The following ENOX1 variants were observed in gnomAD, a reference collection of about 807,000 sequenced individuals.
The protein encoded by ENOX1 is ecto-NOX disulfide-thiol exchanger 1, also known as candidate growth-related and time keeping constitutive hydroquinone (NADH) oxidase.
ENOX1 carries 42 observed loss-of-function variants against 82.5 expected under a neutral mutation model. The observed-to-expected ratio is 0.51, with a 90% confidence interval of 0.40 to 0.66. The LOEUF is 0.66. ENOX1 is among the 30% of genes least tolerant of loss of function. The pLI, the probability that ENOX1 is intolerant of heterozygous loss-of-function variation, is 0.00. For synonymous variants in ENOX1, 271 were observed against 282.2 expected (o/e 0.96, Z 0.40); for missense variants, 608 against 811.6 (o/e 0.75, Z 3.05).
intron 2 of ENOX1, among the ~76,000 whole-genome samples, chr13:43,532,343 T>C (rs1263358433): frequency 6.6e-6 from 1 of 152,174 alleles, no homozygotes; most frequent in Non-Finnish European, 1.5e-5. Context: ...TTTTACATTT[T>C]AAAATGTTCT....
At chr13:43,480,773 C>G (rs1397620532) in intron 3 of ENOX1, among the ~76,000 whole-genome samples, 1 of 152,022 alleles carries the variant, frequency 6.6e-6, no homozygotes, top group East Asian at 1.9e-4. Context: ...TTTCTAGAAA[C>G]ACACAACCTA....
At chr13:43,762,892 C>A (rs1037745687) in intron 1 of ENOX1, among the ~76,000 whole-genome samples, 1 of 152,064 alleles carries the variant, frequency 6.6e-6, no homozygotes, top group Non-Finnish European at 1.5e-5. Flanking sequence ...TGATTCAATC[C>A]GTTCTCAATT....
chr13:43,290,368 CATATAT>C (rs141606203), intron 12 of ENOX1, among the ~76,000 whole-genome samples: 23,114 of 150,356 alleles, frequency 0.15, 1,999 homozygotes, highest in Non-Finnish European at 0.21. Context: ...ATGGGATATA[CATATAT>C]ATATATATAT....
rs2041271736 is a variant in ENOX1, at chr13:43,213,291, C to CTGTT, written c.*695_*698dup. On this transcript the variant is annotated 3_prime_UTR_variant, in exon 17 of 17. Transcript: ENST00000690772. ...TTCCTTTATTTACACTTTATGAAAA[C>CTGTT]TGTTATGCAGTCCATGTTAAAAGAA... 6.6e-6 allele frequency among the ~76,000 whole-genome samples: 1 copy of CTGTT among 152,138 alleles called. No homozygotes were observed. The highest frequency in any genetic ancestry group is 1.9e-4 in the East Asian group (1 of 5,178).
chr13:43,303,677 C>CT (rs965556383), intron 11 of ENOX1, among the ~76,000 whole-genome samples: 35 of 149,456 alleles, frequency 2.3e-4, no homozygotes, highest in Admixed American at 6.0e-4. Flanking sequence ...AAAAGTAACA[C>CT]TTTTTTTTTT....
At chr13:43,378,310 G>C (rs1594226794) in intron 5 of ENOX1, among the ~76,000 whole-genome samples, 1 of 152,282 alleles carries the variant, frequency 6.6e-6, no homozygotes, top group East Asian at 1.9e-4. Context: ...TGGTAGTTTA[G>C]GATGGCAGCT....
intron 10 of ENOX1, among the ~76,000 whole-genome samples, 194 bp downstream of exon 10, chr13:43,326,225 T>C (rs2048105722): frequency 6.6e-6 from 1 of 152,258 alleles, no homozygotes; most frequent in South Asian, 2.1e-4. Flanking sequence ...AAAAACACTG[T>C]GTTCCCTAAG....
At chr13:43,577,562 G>C (rs2080499286) in intron 2 of ENOX1, among the ~76,000 whole-genome samples, 1 of 152,124 alleles carries the variant, frequency 6.6e-6, no homozygotes, top group South Asian at 2.1e-4. Context: ...AAAGACAAAA[G>C]GGCAAAAGAA....
At chr13:43,342,255 G>T (rs958809393) in intron 9 of ENOX1, among the ~76,000 whole-genome samples, 10 of 152,166 alleles carry the variant, frequency 6.6e-5, no homozygotes, top group African/African-American at 1.9e-4. Context: ...AGCCTGACTT[G>T]GGTGGTGGCG....
intron 11 of ENOX1, among the ~76,000 whole-genome samples, chr13:43,302,198 C>T (rs12870452): frequency 3.3e-5 from 5 of 151,452 alleles, no homozygotes; most frequent in Admixed American, 1.3e-4. Flanking sequence ...GTAAGAGACA[C>T]CCCATGTGGA....
intron 2 of ENOX1, among the ~76,000 whole-genome samples, chr13:43,611,638 T>A (rs1057233465): frequency 3.9e-5 from 6 of 152,220 alleles, no homozygotes; most frequent in African/African-American, 1.4e-4. Flanking sequence ...GCATGTAATT[T>A]AGGTAATTTC....
intron 1 of ENOX1, among the ~76,000 whole-genome samples, chr13:43,717,705 T>C (rs2088244756): frequency 6.6e-6 from 1 of 151,578 alleles, no homozygotes; most frequent in African/African-American, 2.4e-5. Context: ...AAAAAATAAA[T>C]AAAGCAATTT....
chr13:43,362,464 G>A (rs1000135087), intron 5 of ENOX1, among the ~76,000 whole-genome samples: 1 of 152,050 alleles, frequency 6.6e-6, no homozygotes, highest in Non-Finnish European at 1.5e-5. Flanking sequence ...ACTCTGCAAG[G>A]ATGAAACTTC....
At chr13:43,768,513 C>T (rs778967862) in intron 1 of ENOX1, among the ~76,000 whole-genome samples, 3 of 152,124 alleles carry the variant, frequency 2.0e-5, no homozygotes, top group Non-Finnish European at 4.4e-5. Flanking sequence ...GTCTTAGCTA[C>T]TTGGGTAGCT....
At chr13:43,278,513 A>T (rs1277319822) in intron 12 of ENOX1, among the ~76,000 whole-genome samples, 1 of 152,228 alleles carries the variant, frequency 6.6e-6, no homozygotes, top group Non-Finnish European at 1.5e-5. Flanking sequence ...TAAAACAATG[A>T]AACATTTTTA....
At chr13:43,763,324 G>A (rs1228115208) in intron 1 of ENOX1, among the ~76,000 whole-genome samples, 2 of 152,144 alleles carry the variant, frequency 1.3e-5, no homozygotes, top group Non-Finnish European at 2.9e-5. Flanking sequence ...AGATGGCTGT[G>A]TTCGTACCGC....
At position 43,356,008 on chromosome 13, in the gene ENOX1, A is replaced by G. The variant is rs1388946590; in HGVS notation, c.734T>C (p.Leu245Pro). 6.2e-7 allele frequency: 1 copy of G among 1,613,972 alleles called. No individual in the cohort carries two copies. Among genetic ancestry groups the G allele is most frequent in the Admixed American group, 1.7e-5 (1 of 60,026 alleles). Residue 245 changes from leucine (L) to proline (P), a missense_variant, in exon 8 of 17, where the codon CTG becomes CCG. Physicochemically the swap from Leu to Pro is moderately conservative, Grantham distance 98. Transcript: ENST00000690772. The stretch of plus-strand genomic sequence containing the variant: ...TGGGGGCCTGAGCCGGTCCTCCTCC[A>G]GCTTGCGCCGGTGCCGCTCCTCCCG... ...RAREERHRRKLEEDRLRPPSP... is the reference protein window; with the variant it reads ...RAREERHRRKPEEDRLRPPSP...
chr13:43,659,906 A>G (rs1056726958), intron 2 of ENOX1, among the ~76,000 whole-genome samples: 5 of 152,216 alleles, frequency 3.3e-5, no homozygotes, highest in Non-Finnish European at 7.3e-5. Flanking sequence ...ACCACATTTC[A>G]GGACCATATT....
chr13:43,433,394 A>G (rs1461537267), intron 3 of ENOX1, among the ~76,000 whole-genome samples: 1 of 152,100 alleles, frequency 6.6e-6, no homozygotes, highest in Non-Finnish European at 1.5e-5. Flanking sequence ...AACACCTCCT[A>G]TTAGACCCAC....
Sources: gnomAD v4.1 joint callset for allele counts (sites outside exome capture counted in the v4.1 genomes callset) on GRCh38, gnomAD v4.1.1 for gene constraint, MANE v1.5 for transcripts, NCBI Gene and HGNC (gene_info 2026-07-23, HGNC 2026-07-21) for gene names.